Variants in RBFOX2 observed in about 807,000 individuals in gnomAD.
RBFOX2 encodes RNA binding protein fox-1 homolog 2.
A neutral mutation model predicts 49.1 loss-of-function variants in RBFOX2; 10 were observed. The observed-to-expected ratio is 0.20, with a 90% confidence interval of 0.13 to 0.35. The LOEUF (loss-of-function observed/expected upper bound fraction) is 0.35. RBFOX2 is among the 10% of genes least tolerant of loss of function. RBFOX2 has a pLI of 1.00. For missense variants in RBFOX2, 323 were observed against 486.9 expected, an observed-to-expected ratio of 0.66 and a Z score of 3.17; for synonymous variants, 183 against 187.4, an observed-to-expected ratio of 0.98 and a Z score of 0.19.
At chr22:36,015,182 T>TA (rs1449624382) in intron 1 of RBFOX2, among the ~76,000 whole-genome samples, 1 of 152,224 alleles carries the variant, frequency 6.6e-6, no homozygotes, top group African/African-American at 2.4e-5. Flanking sequence ...TTTGCCAATT[T>TA]ATTATCAGCT....
intron 1 of RBFOX2, among the ~76,000 whole-genome samples, chr22:35,857,423 GA>G (rs2042637372): frequency 6.6e-6 from 1 of 152,198 alleles, no homozygotes; most frequent in Non-Finnish European, 1.5e-5. Context: ...CACAGTAATT[GA>G]AGACTGTCCA....
intron 1 of RBFOX2, among the ~76,000 whole-genome samples, chr22:36,027,850 C>T (rs568089860): frequency 6.6e-6 from 1 of 152,194 alleles, no homozygotes; most frequent in South Asian, 2.1e-4. Flanking sequence ...TCCCTCTTCT[C>T]GGGAGGTTTC....
At chr22:36,020,723 G>A (rs368117005) in intron 1 of RBFOX2, among the ~76,000 whole-genome samples, 4 of 152,100 alleles carry the variant, frequency 2.6e-5, no homozygotes, top group Non-Finnish European at 4.4e-5. Flanking sequence ...TTAGAATGGC[G>A]ATCATTAAAA....
intron 1 of RBFOX2, among the ~76,000 whole-genome samples, chr22:35,924,335 G>A (rs576224797): frequency 2.3e-4 from 35 of 152,346 alleles, no homozygotes; most frequent in African/African-American, 7.9e-4. Context: ...CAAAGCTTGT[G>A]AGAGCACAGG....
intron 1 of RBFOX2, among the ~76,000 whole-genome samples, chr22:35,829,399 T>G (rs1169732985): frequency 1.3e-5 from 2 of 151,982 alleles, no homozygotes. Flanking sequence ...CTAAGAGACA[T>G]GAGAGGTGTG....
At chr22:35,800,737 A>G (rs1476803832) in intron 2 of RBFOX2, among the ~76,000 whole-genome samples, 1 of 152,020 alleles carries the variant, frequency 6.6e-6, no homozygotes, top group Non-Finnish European at 1.5e-5. Flanking sequence ...ACTGAGTTCT[A>G]TTAAGTGTCA....
At chr22:36,009,885 G>C (rs1162113619) in intron 1 of RBFOX2, among the ~76,000 whole-genome samples, 2 of 152,162 alleles carry the variant, frequency 1.3e-5, no homozygotes, top group African/African-American at 4.8e-5. Context: ...GCGCAACTGA[G>C]TTTTAGGTTA....
intron 2 of RBFOX2, among the ~76,000 whole-genome samples, chr22:35,805,566 T>C (rs766657791): frequency 1.3e-5 from 2 of 152,156 alleles, no homozygotes; most frequent in Non-Finnish European, 2.9e-5. Flanking sequence ...TGTAGTTTGG[T>C]GGTTTCTTAT....
At chr22:36,015,551 C>T (rs1283766988) in intron 1 of RBFOX2, among the ~76,000 whole-genome samples, 1 of 152,224 alleles carries the variant, frequency 6.6e-6, no homozygotes, top group African/African-American at 2.4e-5. Flanking sequence ...GGAGCCACCA[C>T]AAAACATCTT....
intron 1 of RBFOX2, among the ~76,000 whole-genome samples, chr22:35,848,406 T>C (rs983389900): frequency 4.6e-5 from 7 of 152,314 alleles, no homozygotes; most frequent in Middle Eastern, 3.4e-3. Context: ...ATCATTAATA[T>C]AAAACATATA....
intron 1 of RBFOX2, among the ~76,000 whole-genome samples, chr22:36,026,464 G>A (rs1354484377): frequency 1.3e-5 from 2 of 151,720 alleles, no homozygotes; most frequent in African/African-American, 2.4e-5. Context: ...ACAGATAATA[G>A]GCCCCAGGAG....
At chr22:35,933,953 T>TATATATATATATATATATATACAC (rs1009021083) in intron 1 of RBFOX2, among the ~76,000 whole-genome samples, 2 of 141,072 alleles carry the variant, frequency 1.4e-5, no homozygotes, top group African/African-American at 5.6e-5. Context: ...TATATATATA[T>TATATATATATATATATATATACAC]ACACACATCA....
At chr22:35,936,603 A>G (rs115685229) in intron 1 of RBFOX2, among the ~76,000 whole-genome samples, 3,405 of 152,304 alleles carry the variant, frequency 0.022, 138 homozygotes, top group African/African-American at 0.077. Context: ...AAAATAAACT[A>G]AAATAAACCT....
intron 1 of RBFOX2, among the ~76,000 whole-genome samples, chr22:35,933,024 T>C (rs1009824840): frequency 1.3e-5 from 2 of 152,214 alleles, no homozygotes; most frequent in Admixed American, 6.5e-5. Context: ...TGCTCCCACA[T>C]TCTCCAAAGA....
chr22:35,770,717 A>G (rs565358668), intron 4 of RBFOX2, among the ~76,000 whole-genome samples: 4 of 152,326 alleles, frequency 2.6e-5, no homozygotes, highest in East Asian at 1.9e-4. Flanking sequence ...TAGTGATACA[A>G]TAACTGCATC....
chr22:35,902,296 G>A (rs1453945565), intron 1 of RBFOX2, among the ~76,000 whole-genome samples: 3 of 151,862 alleles, frequency 2.0e-5, no homozygotes, highest in East Asian at 3.9e-4. Context: ...TTTTGATGCC[G>A]TGTTCCATAA....
chr22:35,953,558 T>C (rs2055205593), intron 1 of RBFOX2, among the ~76,000 whole-genome samples: 1 of 152,200 alleles, frequency 6.6e-6, no homozygotes, highest in South Asian at 2.1e-4. Flanking sequence ...TTGAGGGTGA[T>C]GTAAAAATGT....
At chr22:35,872,376 A>G (rs1439825747) in intron 1 of RBFOX2, among the ~76,000 whole-genome samples, 1 of 152,154 alleles carries the variant, frequency 6.6e-6, no homozygotes, top group Non-Finnish European at 1.5e-5. Flanking sequence ...TTTGCCGTCT[A>G]TAGGCGACTT....
intron 1 of RBFOX2, among the ~76,000 whole-genome samples, chr22:35,967,165 C>T (rs183605283): frequency 4.6e-5 from 7 of 152,232 alleles, no homozygotes; most frequent in African/African-American, 1.7e-4. Flanking sequence ...CAGATAATTC[C>T]TAAGTTTGAT....
Sources: allele counts gnomAD v4.1 joint callset (sites outside exome capture counted in the v4.1 genomes callset), GRCh38; gene constraint gnomAD v4.1.1; transcripts MANE v1.5; gene names NCBI Gene and HGNC (gene_info 2026-07-23, HGNC 2026-07-21).